The following IGSF5 variants were observed in gnomAD, a reference collection of about 807,000 sequenced individuals.
The protein encoded by IGSF5 is immunoglobulin superfamily 5 like.
A neutral mutation model predicts 39.4 loss-of-function variants in IGSF5; 41 were observed. That is an observed-to-expected ratio of 1.04 (90% CI 0.81 to 1.35). The LOEUF (loss-of-function observed/expected upper bound fraction) is 1.35. IGSF5 is among the 40% of genes most tolerant of loss of function. The probability of loss-of-function intolerance (pLI) is 0.00; values close to 1 mark genes in which losing one functional copy is unlikely to be tolerated. For missense variants in IGSF5, 487 were observed against 494.6 expected (o/e 0.98, Z 0.15); for synonymous variants, 183 against 175.3 (o/e 1.04, Z -0.34).
At chr21:39,727,407 T>C in the IGSF5 span, among the ~76,000 whole-genome samples, 4 of 152,192 alleles carry the variant, frequency 2.6e-5, no homozygotes, top group Non-Finnish European at 5.9e-5. Context: ...ACCAGGGGAC[T>C]GAAACACAGC....
chr21:39,733,284 A>G, the IGSF5 span, among the ~76,000 whole-genome samples: 4 of 152,152 alleles, frequency 2.6e-5, no homozygotes, highest in Admixed American at 1.3e-4. Flanking sequence ...AAGCCATTAA[A>G]GCAATGTTCA....
upstream of IGSF5, among the ~76,000 whole-genome samples, chr21:39,743,452 G>A (rs1391647983): frequency 6.6e-6 from 1 of 152,248 alleles, no homozygotes; most frequent in Non-Finnish European, 1.5e-5. Flanking sequence ...TTTGCTTTAA[G>A]TCTGAGAGAG....
chr21:39,766,307 A>T (rs889712425), intron 3 of IGSF5, among the ~76,000 whole-genome samples: 12 of 152,184 alleles, frequency 7.9e-5, no homozygotes, highest in Admixed American at 4.6e-4. Flanking sequence ...AGTATTTAAC[A>T]GCCTTTCTGG....
chr21:39,745,937 C>T (rs1468613431), intron 1 of IGSF5, among the ~76,000 whole-genome samples: 1 of 152,184 alleles, frequency 6.6e-6, no homozygotes, highest in African/African-American at 2.4e-5. Context: ...TCCTTGCTCC[C>T]AGAGCTCCCA....
At chr21:39,800,753 G>A (rs559339933) in intron 8 of IGSF5, among the ~76,000 whole-genome samples, 1 of 152,306 alleles carries the variant, frequency 6.6e-6, no homozygotes, top group Admixed American at 6.5e-5. Flanking sequence ...ACAGGCATTG[G>A]CCACTCTGGA....
intron 8 of IGSF5, among the ~76,000 whole-genome samples, chr21:39,799,386 T>C: frequency 6.6e-6 from 1 of 152,130 alleles, no homozygotes; most frequent in East Asian, 1.9e-4. Flanking sequence ...ACACACTGGG[T>C]TCTTGTTAAA....
chr21:39,738,149 C>T, the IGSF5 span, among the ~76,000 whole-genome samples: 13 of 152,236 alleles, frequency 8.5e-5, no homozygotes, highest in South Asian at 2.3e-3. The surrounding 1 kb of genome is among the most constrained non-coding windows in gnomAD (Gnocchi z 6.4). Context: ...AGGACATACC[C>T]AAGGCTGGGA....
chr21:39,753,455 G>C (rs561592170), intron 2 of IGSF5, among the ~76,000 whole-genome samples: 1 of 152,046 alleles, frequency 6.6e-6, no homozygotes, highest in Non-Finnish European at 1.5e-5. Context: ...CTCTACAGTT[G>C]TTGGGAAGAA....
At chr21:39,759,365 G>C (rs935533168) in intron 2 of IGSF5, among the ~76,000 whole-genome samples, 1 of 152,188 alleles carries the variant, frequency 6.6e-6, no homozygotes, top group East Asian at 1.9e-4. Flanking sequence ...TTAAACATTT[G>C]TTTGTAGAAT....
Position 39,801,249 on chromosome 21 carries a change from C to CGAA in IGSF5, c.1129-13_1129-12insGAA. 1 of 1,610,494 alleles carries CGAA rather than the reference C, an allele frequency of 6.2e-7. No homozygotes were observed. The highest frequency in any genetic ancestry group is 8.5e-7 in the Non-Finnish European group (1 of 1,177,104). On this transcript the variant is annotated splice_polypyrimidine_tract_variant and intron_variant, in intron 8 of 8. Transcript: ENST00000380588. ...AACCCATTAAATTGACTTTTTTCCTCCTCTGTTGCCAGCGGGCTGATCAAC... is the reference window on the plus strand; with the variant it reads ...AACCCATTAAATTGACTTTTTTCCTCGAACTCTGTTGCCAGCGGGCTGATCAAC...
intron 7 of IGSF5, 96 bp from the exon 8 acceptor site, chr21:39,793,438 A>C (rs2086976877): frequency 1.0e-6 from 1 of 957,542 alleles, no homozygotes; most frequent in Non-Finnish European, 1.7e-6. Flanking sequence ...GCGGTACTAC[A>C]TAAAAGCAAA....
At chr21:39,734,439 TACACACACAC>T in the IGSF5 span, among the ~76,000 whole-genome samples, 23 of 120,286 alleles carry the variant, frequency 1.9e-4, no homozygotes, top group East Asian at 7.2e-4. Flanking sequence ...AAAAAAAAAA[TACACACACAC>T]ACACACACAC....
At chr21:39,774,553 T>G (rs2080130206) in intron 4 of IGSF5, among the ~76,000 whole-genome samples, 2 of 152,234 alleles carry the variant, frequency 1.3e-5, no homozygotes, top group Admixed American at 1.3e-4. Context: ...ATTTCAGATC[T>G]GTTTTTTAGA....
At chr21:39,714,139 G>A in the IGSF5 span, among the ~76,000 whole-genome samples, 1 of 152,224 alleles carries the variant, frequency 6.6e-6, no homozygotes, top group Non-Finnish European at 1.5e-5. Context: ...TCGGTTGCTT[G>A]GCTGTGTGCC....
the IGSF5 span, among the ~76,000 whole-genome samples, chr21:39,720,864 G>A: frequency 0.31 from 47,046 of 151,970 alleles, 7,891 homozygotes; most frequent in Middle Eastern, 0.5. Context: ...TACTTTTTTT[G>A]TGAATCTAAA....
chr21:39,759,667 C>A (rs1486271818), intron 2 of IGSF5, among the ~76,000 whole-genome samples: 2 of 151,696 alleles, frequency 1.3e-5, no homozygotes, highest in Admixed American at 1.3e-4. Context: ...GAGATTGAGA[C>A]CATCCTGGCT....
chr21:39,745,870 TACTC>T (rs2079971634), intron 1 of IGSF5, among the ~76,000 whole-genome samples: 1 of 151,400 alleles, frequency 6.6e-6, no homozygotes, highest in African/African-American at 2.4e-5. Context: ...GGTCCAATAT[TACTC>T]ACTGCTTTGG....
At chr21:39,791,766 C>G in intron 6 of IGSF5, 1 of 404,670 alleles carries the variant, frequency 2.5e-6, no homozygotes, top group Non-Finnish European at 4.5e-6. Context: ...TGAGTAACAA[C>G]TGGGGAGTAG....
At chr21:39,739,531 A>G in the IGSF5 span, among the ~76,000 whole-genome samples, 1 of 152,112 alleles carries the variant, frequency 6.6e-6, no homozygotes, top group Non-Finnish European at 1.5e-5. Flanking sequence ...GGAAGTGGTC[A>G]CCTTCCCAGC....
Sources: gnomAD v4.1 joint callset for allele counts (sites outside exome capture counted in the v4.1 genomes callset) on GRCh38, gnomAD v4.1.1 for gene constraint, Gnocchi (gnomAD v3.1) non-coding constraint, MANE v1.5 for transcripts, NCBI Gene and HGNC (gene_info 2026-07-23, HGNC 2026-07-21) for gene names.